The following RGS6 variants were observed in gnomAD, a reference collection of about 807,000 sequenced individuals.
The protein encoded by RGS6 is regulator of G-protein signaling 6.
RGS6 carries 30 observed loss-of-function variants against 78.5 expected under a neutral mutation model. That is an observed-to-expected ratio of 0.38 (90% CI 0.29 to 0.52). The LOEUF is 0.52. Ranked by LOEUF, RGS6 falls within the 20% of genes least tolerant of loss-of-function variation. RGS6 has a pLI of 0.85. For synonymous variants in RGS6, 206 were observed against 206.0 expected, an observed-to-expected ratio of 1.00 and a Z score of 0.00; for missense variants, 495 against 609.7, an observed-to-expected ratio of 0.81 and a Z score of 1.98.
chr14:72,610,876 C>T, the RGS6 span, among the ~76,000 whole-genome samples: 1 of 152,234 alleles, frequency 6.6e-6, no homozygotes. Context: ...AGGCCTTTGC[C>T]TCACCCCTTC....
At chr14:72,348,902 C>T (rs1187090600) in intron 2 of RGS6, among the ~76,000 whole-genome samples, 2 of 152,044 alleles carry the variant, frequency 1.3e-5, no homozygotes, top group South Asian at 2.1e-4. Context: ...CGTGGTGGCT[C>T]ACGCCTGTAA....
chr14:72,324,656 T>C (rs2073200130), intron 2 of RGS6, among the ~76,000 whole-genome samples: 1 of 152,172 alleles, frequency 6.6e-6, no homozygotes, highest in Admixed American at 6.5e-5. Flanking sequence ...GTTTCCAGCT[T>C]CATCCATGTC....
intron 2 of RGS6, among the ~76,000 whole-genome samples, chr14:72,222,257 A>T (rs2047050559): frequency 6.6e-6 from 1 of 152,200 alleles, no homozygotes; most frequent in Non-Finnish European, 1.5e-5. Context: ...GTCTGTAAGG[A>T]TGTTCAGGGC....
chr14:72,400,375 T>C (rs1451875856), intron 3 of RGS6, among the ~76,000 whole-genome samples: 1 of 152,240 alleles, frequency 6.6e-6, no homozygotes, highest in East Asian at 1.9e-4. Context: ...CTTCGAGCAA[T>C]GAAAGAAGAT....
chr14:72,038,978 G>T (rs1446861480), intron 2 of RGS6, among the ~76,000 whole-genome samples: 1 of 152,256 alleles, frequency 6.6e-6, no homozygotes, highest in South Asian at 2.1e-4. Flanking sequence ...AGTTTGCCTT[G>T]TTTTCATTCA....
intron 2 of RGS6, among the ~76,000 whole-genome samples, chr14:72,163,126 C>T (rs140031089): frequency 1.2e-3 from 184 of 152,210 alleles, no homozygotes; most frequent in African/African-American, 4.2e-3. Context: ...GGATGCACCA[C>T]GGTCTCACAA....
chr14:72,505,208 G>C (rs1317835810), intron 13 of RGS6, among the ~76,000 whole-genome samples: 1 of 152,114 alleles, frequency 6.6e-6, no homozygotes, highest in Non-Finnish European at 1.5e-5. Context: ...GTCTTAGTCT[G>C]TTAGGACTGC....
intron 2 of RGS6, among the ~76,000 whole-genome samples, chr14:72,234,892 TG>T (rs1397739442): frequency 6.6e-6 from 1 of 152,118 alleles, no homozygotes; most frequent in Admixed American, 6.5e-5. Context: ...GAAGTTGTAT[TG>T]TTCCATTTCC....
rs548674102 is a variant in RGS6 at position 72,188,602 on chromosome 14, G to A, written c.85-163493G>A. 3.9e-5 allele frequency among the ~76,000 whole-genome samples: 6 copies of A among 152,198 alleles called. No individual in the cohort carries two copies. The South Asian group carries it at 8.3e-4, about 21-fold the overall frequency. On this transcript the variant is annotated intron_variant, in intron 2 of 17. Transcript: ENST00000553525. ...GGGTATTCCCTTCAGTCATTGTTAC[G>A]TTGCATTCACATCTTTGTATAACTG...
intron 13 of RGS6, among the ~76,000 whole-genome samples, chr14:72,504,374 C>T (rs2096768696): frequency 6.6e-6 from 1 of 152,228 alleles, no homozygotes; most frequent in Non-Finnish European, 1.5e-5. Flanking sequence ...ACCTTCAACA[C>T]ATTGCTTAGA....
chr14:72,544,434 C>CCT lies in RGS6; in HGVS notation c.1422+4341_1422+4342dup, dbSNP rs1432795472. ...CTCTTGAGAGCTTCATCAGCTCCAG[C>CCT]CTTGGGCTCCAAAGATAGATAGATA... On this transcript the variant is annotated intron_variant, in intron 17 of 17. Coordinates refer to ENST00000553525, the MANE Select transcript of RGS6 (RefSeq NM_001204424.2). 2.6e-5 allele frequency among the ~76,000 whole-genome samples: 4 copies of CCT among 152,276 alleles called. No homozygotes were observed. In the South Asian group the frequency reaches 8.3e-4, roughly 32 times the overall value.
intron 3 of RGS6, among the ~76,000 whole-genome samples, chr14:72,378,906 T>C (rs950274896): frequency 6.6e-6 from 1 of 152,058 alleles, no homozygotes; most frequent in Non-Finnish European, 1.5e-5. Context: ...CAGGTTAATA[T>C]CCTTAATGAA....
chr14:71,905,393 G>A, the RGS6 span, among the ~76,000 whole-genome samples: 1 of 152,190 alleles, frequency 6.6e-6, no homozygotes, highest in Non-Finnish European at 1.5e-5. Flanking sequence ...GTTTTTGAAA[G>A]GGACATAGAA....
chr14:71,962,984 A>C (rs1265713989), intron 1 of RGS6, among the ~76,000 whole-genome samples: 6 of 152,210 alleles, frequency 3.9e-5, no homozygotes, highest in Non-Finnish European at 7.3e-5. Flanking sequence ...CAAATAACCC[A>C]GGCAGCCTCT....
intron 12 of RGS6, among the ~76,000 whole-genome samples, chr14:72,494,676 A>G (rs1205084836): frequency 2.0e-5 from 3 of 152,178 alleles, no homozygotes; most frequent in African/African-American, 7.2e-5. Flanking sequence ...GCAAATGTTT[A>G]CTCCTTGTGG....
chr14:72,173,293 T>C (rs542052616), intron 2 of RGS6, among the ~76,000 whole-genome samples: 42 of 152,218 alleles, frequency 2.8e-4, no homozygotes, highest in East Asian at 9.7e-4. Flanking sequence ...TGGCTCAGAA[T>C]GTCAGTAGTG....
chr14:72,514,138 G>T (rs2096911866), intron 14 of RGS6: 1 of 152,180 alleles, frequency 6.6e-6, no homozygotes, highest in African/African-American at 2.4e-5. Context: ...AGCTTCAGTG[G>T]TGCTGGGGGT....
At chr14:72,608,338 C>T in the RGS6 span, among the ~76,000 whole-genome samples, 1 of 152,118 alleles carries the variant, frequency 6.6e-6, no homozygotes, top group Non-Finnish European at 1.5e-5. Context: ...AGTCCTATAC[C>T]CACAGGCTGT....
At chr14:72,417,983 T>C (rs1466541586) in intron 3 of RGS6, among the ~76,000 whole-genome samples, 2 of 152,146 alleles carry the variant, frequency 1.3e-5, no homozygotes, top group South Asian at 2.1e-4. Flanking sequence ...ATCTGAACAC[T>C]TGGGGGCAGA....
Sources: gnomAD v4.1 joint callset for allele counts (sites outside exome capture counted in the v4.1 genomes callset) on GRCh38, gnomAD v4.1.1 for gene constraint, MANE v1.5 for transcripts, NCBI Gene and HGNC (gene_info 2026-07-23, HGNC 2026-07-21) for gene names.